The following TNPO3 variants were observed in gnomAD, a reference collection of about 807,000 sequenced individuals.
TNPO3 encodes the protein transportin-3.
Under a neutral mutation model 122.8 loss-of-function variants are expected in TNPO3, and 65 were observed. That is an observed-to-expected ratio of 0.53 (90% CI 0.43 to 0.65). The LOEUF is 0.65. Ranked by LOEUF, TNPO3 falls within the 30% of genes least tolerant of loss-of-function variation. The probability of loss-of-function intolerance (pLI) is 0.00; values close to 1 mark genes in which losing one functional copy is unlikely to be tolerated. For missense variants in TNPO3, 850 were observed against 1,136.7 expected (o/e 0.75, Z 3.63); for synonymous variants, 372 against 411.2 (o/e 0.90, Z 1.15).
intron 10 of TNPO3, 103 bp downstream of exon 10, chr7:128,991,896 C>G (rs1800781900): frequency 1.5e-6 from 1 of 649,394 alleles, no homozygotes; most frequent in Admixed American, 3.1e-5. Context: ...GTAAGAAGTT[C>G]TGAAAGTCTC....
At chr7:129,054,197 G>T (rs2150583552) in intron 1 of TNPO3, among the ~76,000 whole-genome samples, 1 of 152,270 alleles carries the variant, frequency 6.6e-6, no homozygotes, top group African/African-American at 2.4e-5. Flanking sequence ...GTGAAAATAG[G>T]CAAAAAGAGT....
chr7:128,990,463 C>G (rs942244994), intron 10 of TNPO3, among the ~76,000 whole-genome samples: 1 of 152,196 alleles, frequency 6.6e-6, no homozygotes, highest in Non-Finnish European at 1.5e-5. Flanking sequence ...GCTGCAGCAC[C>G]TAGAACAGTG....
At position 129,009,064 on chromosome 7, in the gene TNPO3, C is replaced by T. The variant is rs534824447; in HGVS notation, c.553-3905G>A. On this transcript the variant is annotated intron_variant, in intron 4 of 22. Coordinates refer to ENST00000265388, the MANE Select transcript of TNPO3 (RefSeq NM_012470.4). ...GAGCTATGCTATGTTAAAAATCTGC[C>T]TCTTAAAGTCCTCAAAAGCTTCAAG... Among the ~76,000 whole-genome samples, 5 of 152,292 alleles carry T rather than the reference C, an allele frequency of 3.3e-5. No homozygotes were observed. The South Asian group carries it at 1.0e-3, about 32-fold the overall frequency.
intron 22 of TNPO3, among the ~76,000 whole-genome samples, chr7:128,956,280 A>C (rs1796889137): frequency 6.6e-6 from 1 of 152,208 alleles, no homozygotes; most frequent in Non-Finnish European, 1.5e-5. Context: ...TGAGTGCTAC[A>C]GATTCATCAA....
chr7:128,976,541 T>A (rs902756046), intron 16 of TNPO3, among the ~76,000 whole-genome samples: 5 of 152,162 alleles, frequency 3.3e-5, no homozygotes, highest in African/African-American at 1.2e-4. Context: ...TGGTGAGATC[T>A]TGGCTCACTG....
chr7:129,000,304 C>T, intron 7 of TNPO3, 125 bp downstream of exon 7: 1 of 1,087,322 alleles, frequency 9.2e-7, no homozygotes, highest in Non-Finnish European at 1.3e-6. Context: ...CAGATGAAAT[C>T]ACATTAATTA....
chr7:129,047,640 G>A lies in TNPO3; in HGVS notation c.120+7011C>T, dbSNP rs191448341. Among the ~76,000 whole-genome samples the A allele has an allele frequency of 4.6e-5, 7 of 152,246 alleles. No homozygotes were observed. In the East Asian group the frequency reaches 1.4e-3, roughly 29 times the overall value. On this transcript the variant is annotated intron_variant, in intron 1 of 22. Coordinates refer to ENST00000265388, the MANE Select transcript of TNPO3 (RefSeq NM_012470.4). ...TATTCAAATTATACCTCTATACCAC[G>A]TCTACTGTCACCAGGTCATTCGAAC...
intron 1 of TNPO3, among the ~76,000 whole-genome samples, chr7:129,049,134 G>A (rs1245322822): frequency 6.6e-6 from 1 of 152,182 alleles, no homozygotes; most frequent in Non-Finnish European, 1.5e-5. Flanking sequence ...TTGAAGAAAG[G>A]GTTGGGAAAG....
chr7:128,959,886 T>C (rs1797269973), intron 21 of TNPO3, among the ~76,000 whole-genome samples: 1 of 152,130 alleles, frequency 6.6e-6, no homozygotes, highest in African/African-American at 2.4e-5. Context: ...CCGTGTGTGG[T>C]GGTGGGCACC....
chr7:129,027,003 T>C (rs1028568880), intron 1 of TNPO3, among the ~76,000 whole-genome samples: 1 of 151,536 alleles, frequency 6.6e-6, no homozygotes. Context: ...TATCTCCTGG[T>C]CTCAAACTCC....
intron 21 of TNPO3, among the ~76,000 whole-genome samples, chr7:128,964,807 T>C (rs571026412): frequency 6.6e-6 from 1 of 152,254 alleles, no homozygotes; most frequent in African/African-American, 2.4e-5. Flanking sequence ...GGTCAAATGA[T>C]TTTCAACAAG....
chr7:129,027,089 T>G (rs1805278731), intron 1 of TNPO3, among the ~76,000 whole-genome samples: 1 of 152,222 alleles, frequency 6.6e-6, no homozygotes, highest in African/African-American at 2.4e-5. Flanking sequence ...GTAAGATTTT[T>G]TTCTGTAAAA....
chr7:129,050,555 C>T (rs899955761), intron 1 of TNPO3, among the ~76,000 whole-genome samples: 3 of 152,140 alleles, frequency 2.0e-5, no homozygotes, highest in African/African-American at 4.8e-5. Flanking sequence ...CCCACCATAA[C>T]AGAAGACTCA....
At chr7:129,005,782 C>CT (rs1186834521) in intron 4 of TNPO3, among the ~76,000 whole-genome samples, 11,890 of 132,236 alleles carry the variant, frequency 0.09, 728 homozygotes, top group South Asian at 0.14. Context: ...CTTTTCTTTT[C>CT]TTTTTTTTTT....
At chr7:128,992,744 T>C (rs139203059) in intron 9 of TNPO3, among the ~76,000 whole-genome samples, 22 of 152,108 alleles carry the variant, frequency 1.4e-4, no homozygotes, top group Non-Finnish European at 2.1e-4. Context: ...ATTATACAAC[T>C]TCACAGAGCC....
chr7:128,993,245 A>G (rs1397193088), intron 9 of TNPO3, among the ~76,000 whole-genome samples: 1 of 152,184 alleles, frequency 6.6e-6, no homozygotes, highest in Non-Finnish European at 1.5e-5. Flanking sequence ...CTGAAATTAA[A>G]CTAATGTTAA....
chr7:128,964,173 T>C (rs1797717550), intron 21 of TNPO3, among the ~76,000 whole-genome samples: 1 of 152,146 alleles, frequency 6.6e-6, no homozygotes, highest in Non-Finnish European at 1.5e-5. Context: ...ATACTGTATT[T>C]GTCGATTTGG....
chr7:128,990,261 C>A, intron 10 of TNPO3, 161 bp from the exon 11 acceptor site: 3 of 764,266 alleles, frequency 3.9e-6, no homozygotes, highest in Admixed American at 2.2e-5. Flanking sequence ...TTCAAATCTT[C>A]AAAAAAGAGG....
intron 3 of TNPO3, among the ~76,000 whole-genome samples, chr7:129,016,075 A>G (rs970710499): frequency 1.3e-5 from 2 of 151,880 alleles, no homozygotes; most frequent in African/African-American, 2.4e-5. Context: ...AAACAGCAAG[A>G]CTGTGTCTCC....
Sources: allele counts gnomAD v4.1 joint callset (sites outside exome capture counted in the v4.1 genomes callset), GRCh38; gene constraint gnomAD v4.1.1; transcripts MANE v1.5; gene names NCBI Gene and HGNC (gene_info 2026-07-23, HGNC 2026-07-21).